Variants in RSRC1 observed in about 807,000 individuals in gnomAD.
The protein encoded by RSRC1 is serine/Arginine-related protein 53.
In RSRC1, 39 loss-of-function variants were observed where a neutral mutation model predicts 49.1. That is an observed-to-expected ratio of 0.79 (90% CI 0.61 to 1.04). The LOEUF (loss-of-function observed/expected upper bound fraction) is 1.04, where lower values mean the gene tolerates loss of function less well. Ranked by LOEUF, RSRC1 falls within the 50% of genes least tolerant of loss-of-function variation. The pLI, the probability that RSRC1 is intolerant of heterozygous loss-of-function variation, is 0.00. For synonymous variants in RSRC1, 143 were observed against 130.8 expected (o/e 1.09, Z -0.63); for missense variants, 388 against 402.4 (o/e 0.96, Z 0.31).
At chr3:158,508,424 TTTCTTAAC>T (rs1739975182) in intron 7 of RSRC1, among the ~76,000 whole-genome samples, 1 of 146,136 alleles carries the variant, frequency 6.8e-6, no homozygotes, top group Non-Finnish European at 1.5e-5. Flanking sequence ...CCCATTTTTC[TTTCTTAAC>T]TATCCACAAT....
chr3:158,514,273 T>A (rs541549853), intron 7 of RSRC1, among the ~76,000 whole-genome samples: 71 of 152,362 alleles, frequency 4.7e-4, no homozygotes, highest in African/African-American at 1.6e-3. Flanking sequence ...AATTTCCCTC[T>A]ACACACTGCT....
chr3:158,423,785 C>A (rs1480078292), intron 6 of RSRC1, among the ~76,000 whole-genome samples: 9 of 152,048 alleles, frequency 5.9e-5, no homozygotes, highest in Non-Finnish European at 8.8e-5. Context: ...TTGAAGAGGT[C>A]CTTCACATCC....
intron 6 of RSRC1, among the ~76,000 whole-genome samples, chr3:158,387,200 C>T (rs1246772843): frequency 6.6e-6 from 1 of 152,092 alleles, no homozygotes; most frequent in African/African-American, 2.4e-5. Flanking sequence ...TGTCTCATTT[C>T]TCTGAGTACT....
At chr3:158,531,838 A>C (rs1712418424) in intron 7 of RSRC1, among the ~76,000 whole-genome samples, 2 of 151,970 alleles carry the variant, frequency 1.3e-5, no homozygotes, top group African/African-American at 2.4e-5. Context: ...ACCTGTGTTC[A>C]TGAGAAATTT....
At chr3:158,185,215 A>C (rs545380297) in intron 3 of RSRC1, among the ~76,000 whole-genome samples, 2 of 151,952 alleles carry the variant, frequency 1.3e-5, no homozygotes, top group Non-Finnish European at 2.9e-5. Flanking sequence ...TTTGAAATGC[A>C]GTGTCTTTGA....
At chr3:158,502,098 A>C (rs1739629215) in intron 7 of RSRC1, among the ~76,000 whole-genome samples, 1 of 152,176 alleles carries the variant, frequency 6.6e-6, no homozygotes, top group South Asian at 2.1e-4. Context: ...ACTGAAAAAG[A>C]CTGTATCTTT....
intron 4 of RSRC1, among the ~76,000 whole-genome samples, chr3:158,254,639 A>G (rs577224447): frequency 8.6e-5 from 13 of 151,924 alleles, no homozygotes; most frequent in African/African-American, 2.4e-4. Context: ...TCACCATGTT[A>G]CCCAGGGTGT....
At chr3:158,131,262 A>G (rs377136235) in intron 3 of RSRC1, among the ~76,000 whole-genome samples, 1 of 151,686 alleles carries the variant, frequency 6.6e-6, no homozygotes, top group African/African-American at 2.4e-5. Context: ...CATATTTCTT[A>G]TTTGCTGGGA....
intron 4 of RSRC1, chr3:158,225,831 A>G (rs1226848975): frequency 3.1e-6 from 1 of 324,220 alleles, no homozygotes; most frequent in African/African-American, 2.2e-5. Flanking sequence ...TATATCAGTC[A>G]GAGTCCAACC....
At position 158,156,330 on chromosome 3, in the gene RSRC1, G is replaced by A. The variant is rs543540835; in HGVS notation, c.320+32339G>A. 2.1e-4 allele frequency among the ~76,000 whole-genome samples: 32 copies of A among 152,226 alleles called. No individual in the cohort carries two copies. In the East Asian group the frequency reaches 3.1e-3, roughly 15 times the overall value. Reference sequence around the variant, plus strand: ...GGGTCTTGCTCTGGATTAGGCTTTCGCTCAAGGGAATGTTATGGCTGGTTT... The same window carrying A: ...GGGTCTTGCTCTGGATTAGGCTTTCACTCAAGGGAATGTTATGGCTGGTTT... On this transcript the variant is annotated intron_variant, in intron 3 of 9. Coordinates refer to ENST00000611884, the MANE Select transcript of RSRC1 (RefSeq NM_001271838.2).
intron 5 of RSRC1, among the ~76,000 whole-genome samples, chr3:158,342,082 G>A (rs1012167923): frequency 6.6e-6 from 1 of 152,146 alleles, no homozygotes. Context: ...GCTTGCTTTC[G>A]ATTTTACAGG....
At chr3:158,272,317 C>T (rs1725567088) in intron 4 of RSRC1, among the ~76,000 whole-genome samples, 1 of 152,116 alleles carries the variant, frequency 6.6e-6, no homozygotes, top group Non-Finnish European at 1.5e-5. Context: ...ATCTTGTTAA[C>T]TCTTGACAGT....
intron 6 of RSRC1, among the ~76,000 whole-genome samples, chr3:158,374,800 T>A (rs1732266920): frequency 6.6e-6 from 1 of 152,174 alleles, no homozygotes; most frequent in Non-Finnish European, 1.5e-5. Context: ...TAATACTTTT[T>A]AATTTTTTTA....
intron 3 of RSRC1, among the ~76,000 whole-genome samples, chr3:158,194,310 G>A (rs1485213243): frequency 6.6e-6 from 1 of 151,232 alleles, no homozygotes; most frequent in Non-Finnish European, 1.5e-5. Context: ...ATGTAGGAAG[G>A]AAAGGAAAGA....
chr3:158,263,106 T>A (rs1179969873), intron 4 of RSRC1, among the ~76,000 whole-genome samples: 1 of 152,178 alleles, frequency 6.6e-6, no homozygotes, highest in Non-Finnish European at 1.5e-5. Context: ...TATGTCTTAC[T>A]TATGATCTTA....
chr3:158,383,653 G>T (rs955637144), intron 6 of RSRC1, among the ~76,000 whole-genome samples: 5 of 152,130 alleles, frequency 3.3e-5, no homozygotes, highest in Non-Finnish European at 5.9e-5. Flanking sequence ...ATGATGGGGA[G>T]GGGTGTAATA....
intron 5 of RSRC1, among the ~76,000 whole-genome samples, chr3:158,316,526 G>A (rs1389710256): frequency 8.0e-4 from 109 of 136,766 alleles, no homozygotes; most frequent in Admixed American, 2.1e-3. Flanking sequence ...CTCACTGCAG[G>A]CTCCGCCCCC....
intron 6 of RSRC1, among the ~76,000 whole-genome samples, chr3:158,383,631 T>C (rs1732823714): frequency 6.6e-6 from 1 of 152,210 alleles, no homozygotes; most frequent in Non-Finnish European, 1.5e-5. Flanking sequence ...CTTGGGGGAA[T>C]ACTCACCAAC....
At chr3:158,323,463 C>T (rs565676782) in intron 5 of RSRC1, among the ~76,000 whole-genome samples, 5 of 152,230 alleles carry the variant, frequency 3.3e-5, no homozygotes, top group African/African-American at 4.8e-5. Flanking sequence ...CAAGATCTTC[C>T]GCACACATGT....
Sources: allele counts gnomAD v4.1 joint callset (sites outside exome capture counted in the v4.1 genomes callset), GRCh38; gene constraint gnomAD v4.1.1; transcripts MANE v1.5; gene names NCBI Gene and HGNC (gene_info 2026-07-23, HGNC 2026-07-21).